CCDC73: variants seen among roughly 807,000 people sequenced by gnomAD.
CCDC73 encodes coiled-coil domain containing 73.
Under a neutral mutation model 116.5 loss-of-function variants are expected in CCDC73, and 95 were observed. That is an observed-to-expected ratio of 0.82 (90% CI 0.69 to 0.97). CCDC73 has a LOEUF of 0.97. CCDC73 is among the 50% of genes least tolerant of loss of function. CCDC73 has a pLI of 0.00. For synonymous variants in CCDC73, 398 were observed against 401.3 expected (o/e 0.99, Z 0.10); for missense variants, 1,066 against 1,206.8 (o/e 0.88, Z 1.73).
intron 1 of CCDC73, among the ~76,000 whole-genome samples, chr11:32,766,701 G>C (rs1216367089): frequency 6.6e-6 from 1 of 152,170 alleles, no homozygotes; most frequent in Non-Finnish European, 1.5e-5. Context: ...GCCAAATCAT[G>C]AGTGAACTCC....
intron 9 of CCDC73, among the ~76,000 whole-genome samples, chr11:32,666,768 T>C (rs1220610643): frequency 6.6e-6 from 1 of 152,204 alleles, no homozygotes; most frequent in East Asian, 1.9e-4. Flanking sequence ...TTCTGCTCTG[T>C]TTTTTCCCCA....
intron 6 of CCDC73, among the ~76,000 whole-genome samples, chr11:32,699,012 T>C (rs1325261519): frequency 6.6e-6 from 1 of 151,982 alleles, no homozygotes; most frequent in Non-Finnish European, 1.5e-5. Flanking sequence ...AAAATGTATC[T>C]ATTTAACTAT....
At chr11:32,628,512 A>G (rs1461560460) in intron 14 of CCDC73, among the ~76,000 whole-genome samples, 2 of 152,316 alleles carry the variant, frequency 1.3e-5, no homozygotes, top group East Asian at 1.9e-4. Context: ...GAGCTCCCAC[A>G]GGTCTAGGTA....
At chr11:32,805,415 C>G in the CCDC73 span, among the ~76,000 whole-genome samples, 2 of 152,286 alleles carry the variant, frequency 1.3e-5, no homozygotes, top group East Asian at 3.9e-4. Flanking sequence ...CATTAATAAG[C>G]ATTCCACATA....
intron 14 of CCDC73, among the ~76,000 whole-genome samples, chr11:32,617,936 G>A (rs1175076445): frequency 6.6e-6 from 1 of 152,048 alleles, no homozygotes; most frequent in African/African-American, 2.4e-5. Flanking sequence ...TGGTTACATG[G>A]CTATATTGCA....
chr11:32,744,590 G>A (rs1443303237), intron 2 of CCDC73, among the ~76,000 whole-genome samples: 1 of 152,172 alleles, frequency 6.6e-6, no homozygotes, highest in Non-Finnish European at 1.5e-5. Context: ...TTCAGAATCT[G>A]TTATTGGTCT....
chr11:32,655,088 T>TCATATATCAAGATAATACTACTGGTC, intron 9 of CCDC73, 116 bp from the exon 10 acceptor site: 1 of 435,574 alleles, frequency 2.3e-6, no homozygotes, highest in South Asian at 3.3e-5. Flanking sequence ...TTGTTATAAT[T>TCATATATCAAGATAATACTACTGGTC]CCCTTGCAAG....
At chr11:32,712,202 G>T (rs1351742231) in intron 3 of CCDC73, among the ~76,000 whole-genome samples, 2 of 151,890 alleles carry the variant, frequency 1.3e-5, no homozygotes, top group Non-Finnish European at 2.9e-5. Context: ...TTATATATGG[G>T]ACCTAAAAAA....
intron 7 of CCDC73, among the ~76,000 whole-genome samples, chr11:32,678,909 T>TATAC (rs1311990305): frequency 6.7e-6 from 1 of 149,438 alleles, no homozygotes; most frequent in African/African-American, 2.5e-5. Context: ...TATATATATA[T>TATAC]ACACACACAC....
In CCDC73 at chr11:32,614,911, A is replaced by C. The variant is rs1324511829; in HGVS notation, c.1407T>G (p.Asn469Lys). The C allele has an allele frequency of 6.2e-7, 1 of 1,604,780 alleles. No homozygotes were observed. The highest frequency in any genetic ancestry group is 8.5e-7 in the Non-Finnish European group (1 of 1,177,324). The change falls in exon 16 of 18, where the codon AAT becomes AAG. Residue 469 changes from asparagine (N) to lysine (K), a missense_variant. Asn to Lys is a moderately conservative substitution (Grantham distance 94, BLOSUM62 0). Coordinates refer to ENST00000335185, the MANE Select transcript of CCDC73 (RefSeq NM_001008391.4). Reference protein sequence around the residue: ...DLQLFEKSFKNEIDTVVSQDE... With the variant: ...DLQLFEKSFKKEIDTVVSQDE... ...CCTGAGAAACAACAGTATCAATTTCATTCTTGAAGCTTTTTTCAAAAAGCT... is the reference window on the plus strand; with the variant it reads ...CCTGAGAAACAACAGTATCAATTTCCTTCTTGAAGCTTTTTTCAAAAAGCT...
At chr11:32,651,678 A>T (rs1278783420) in intron 12 of CCDC73, among the ~76,000 whole-genome samples, 1 of 152,236 alleles carries the variant, frequency 6.6e-6, no homozygotes, top group Non-Finnish European at 1.5e-5. Context: ...TCTTCAAGAC[A>T]GTGACCATGA....
chr11:32,774,172 C>T (rs1008914979), intron 1 of CCDC73, among the ~76,000 whole-genome samples: 1 of 152,160 alleles, frequency 6.6e-6, no homozygotes, highest in Non-Finnish European at 1.5e-5. Flanking sequence ...ACAAACTTCT[C>T]ATCTTCTGCA....
intron 9 of CCDC73, among the ~76,000 whole-genome samples, chr11:32,660,229 CAA>C (rs11310092): frequency 0.057 from 3,804 of 66,366 alleles, 28 homozygotes; most frequent in Middle Eastern, 0.067. Flanking sequence ...TTCTCTCTAC[CAA>C]AAAAAAAAAA....
chr11:32,643,608 T>C (rs1034541069), intron 12 of CCDC73, among the ~76,000 whole-genome samples: 4 of 151,976 alleles, frequency 2.6e-5, no homozygotes, highest in African/African-American at 9.7e-5. Flanking sequence ...ACTAAGGATA[T>C]CTAAACATAG....
At chr11:32,696,359 G>A (rs1382793171) in intron 6 of CCDC73, among the ~76,000 whole-genome samples, 3 of 152,038 alleles carry the variant, frequency 2.0e-5, no homozygotes, top group Non-Finnish European at 4.4e-5. Context: ...GGTCCAGTGT[G>A]CTACTTGAAT....
intron 3 of CCDC73, among the ~76,000 whole-genome samples, chr11:32,716,105 T>A (rs1484381561): frequency 6.6e-6 from 1 of 152,186 alleles, no homozygotes; most frequent in Non-Finnish European, 1.5e-5. Flanking sequence ...TGAGTTTCAA[T>A]AAACATACCT....
intron 9 of CCDC73, among the ~76,000 whole-genome samples, chr11:32,674,991 T>C (rs1856073073): frequency 6.6e-6 from 1 of 152,164 alleles, no homozygotes; most frequent in Admixed American, 6.5e-5. Context: ...TCTCAAAGCT[T>C]TTGCACATGC....
intron 2 of CCDC73, among the ~76,000 whole-genome samples, chr11:32,722,583 CCTTT>C (rs1222787745): frequency 6.6e-6 from 1 of 152,106 alleles, no homozygotes; most frequent in African/African-American, 2.4e-5. Flanking sequence ...TACAGTAATA[CCTTT>C]CTATTATTAA....
intron 7 of CCDC73, among the ~76,000 whole-genome samples, chr11:32,678,653 A>C (rs1259625457): frequency 6.6e-6 from 1 of 152,014 alleles, no homozygotes; most frequent in Non-Finnish European, 1.5e-5. Flanking sequence ...TGGGAGGCCA[A>C]GGTGGACGGA....
Sources: allele counts gnomAD v4.1 joint callset (sites outside exome capture counted in the v4.1 genomes callset), GRCh38; gene constraint gnomAD v4.1.1; transcripts MANE v1.5; gene names NCBI Gene and HGNC (gene_info 2026-07-23, HGNC 2026-07-21).